SAMD3: variants seen among roughly 807,000 people sequenced by gnomAD.
SAMD3 encodes sterile alpha motif domain containing 3, also known as sterile alpha motif domain-containing protein 3.
Under a neutral mutation model 58.5 loss-of-function variants are expected in SAMD3, and 63 were observed. The observed-to-expected ratio is 1.08, with a 90% CI of 0.88 to 1.33. The LOEUF (loss-of-function observed/expected upper bound fraction) is 1.33, where lower values mean the gene tolerates loss of function less well. Among genes scored for constraint, SAMD3 ranks in the 40% most tolerant of loss-of-function variants. SAMD3 has a pLI of 0.00. For missense variants in SAMD3, 604 were observed against 608.4 expected, an observed-to-expected ratio of 0.99 and a Z score of 0.08; for synonymous variants, 220 against 210.3, an observed-to-expected ratio of 1.05 and a Z score of -0.40.
intron 2 of SAMD3, among the ~76,000 whole-genome samples, chr6:130,270,992 T>TG (rs1774539075): frequency 9.8e-6 from 1 of 102,456 alleles, no homozygotes; most frequent in African/African-American, 9.2e-5. Flanking sequence ...AATCTTGTTT[T>TG]TTTTGTTTTT....
intron 2 of SAMD3, among the ~76,000 whole-genome samples, chr6:130,238,922 C>T (rs1773258559): frequency 6.6e-6 from 1 of 152,020 alleles, no homozygotes; most frequent in African/African-American, 2.4e-5. Context: ...CCACACCTGG[C>T]TAATTTTTTT....
In SAMD3 at chr6:130,301,516, C is replaced by T. The variant is rs140780620; in HGVS notation, c.-188+11462G>A. Among the ~76,000 whole-genome samples, 1,085 of 152,208 alleles carry T rather than the reference C, an allele frequency of 7.1e-3. 11 individuals carry two copies. The highest frequency in any genetic ancestry group is 0.017 in the Middle Eastern group (5 of 294). ...AAATGACCATACTGCCCAAAGCAAT[C>T]CATAAATTCAATGCTATTCCTATCA... On this transcript the variant is annotated intron_variant, in intron 2 of 13. Coordinates refer to the SAMD3 transcript ENST00000368134.
intron 1 of SAMD3, among the ~76,000 whole-genome samples, chr6:130,314,430 GA>G (rs1363784185): frequency 2.6e-5 from 4 of 152,146 alleles, no homozygotes; most frequent in African/African-American, 9.7e-5. Context: ...TAAAAACATA[GA>G]GATTACAGGT....
chr6:130,158,332 G>T (rs1235756669), intron 8 of SAMD3, among the ~76,000 whole-genome samples: 2 of 152,170 alleles, frequency 1.3e-5, no homozygotes, highest in Non-Finnish European at 2.9e-5. Context: ...AAGTAAGGAA[G>T]TTGGTATTGA....
intron 9 of SAMD3, 126 bp downstream of exon 9, chr6:130,154,695 GAAAA>G (rs145408019): frequency 1.1e-3 from 115 of 108,686 alleles, no homozygotes; most frequent in Middle Eastern, 0.011. Flanking sequence ...GACTCTGTCT[GAAAA>G]AAAAAAAAAA....
In SAMD3 at chr6:130,144,554, T is replaced by C; in HGVS notation, c.1529A>G (p.Glu510Gly). ...TGGGTGCTGAAATCCTACTTCGTTTTCCTTTTCTTTCAAAGAAGGAAAATA... is the reference window on the plus strand; with the variant it reads ...TGGGTGCTGAAATCCTACTTCGTTTCCCTTTTCTTTCAAAGAAGGAAAATA... ...SPYFPSLKEK[E>G]NEVGFQHPLT The change falls in exon 12 of 12, where the codon GAA becomes GGA. Residue 510 changes from glutamate (E) to glycine (G), a missense_variant. By Grantham distance (98) the Glu-to-Gly change is moderately conservative (BLOSUM62 -2). Coordinates refer to ENST00000439090, the MANE Select transcript of SAMD3 (RefSeq NM_001017373.4). The C allele has an allele frequency of 6.2e-7, 1 of 1,614,052 alleles. No homozygotes were observed.
intron 9 of SAMD3, among the ~76,000 whole-genome samples, chr6:130,146,686 G>A (rs182595946): frequency 6.6e-6 from 1 of 152,208 alleles, no homozygotes; most frequent in East Asian, 1.9e-4. Flanking sequence ...AGTGAAAAAC[G>A]ATATATGGCT....
At chr6:130,186,972 A>G (rs991247953) in intron 5 of SAMD3, among the ~76,000 whole-genome samples, 30 of 151,622 alleles carry the variant, frequency 2.0e-4, no homozygotes, top group Non-Finnish European at 3.4e-4. Context: ...GTGTTTCACC[A>G]TGTTGGCCAG....
At chr6:130,318,170 A>C (rs1347781261) in intron 1 of SAMD3, among the ~76,000 whole-genome samples, 1 of 152,194 alleles carries the variant, frequency 6.6e-6, no homozygotes, top group Non-Finnish European at 1.5e-5. Context: ...CAGAATGGAA[A>C]GCCTCATAAT....
At chr6:130,203,144 T>TA (rs1794796851) in intron 5 of SAMD3, among the ~76,000 whole-genome samples, 1 of 152,226 alleles carries the variant, frequency 6.6e-6, no homozygotes, top group Non-Finnish European at 1.5e-5. Flanking sequence ...TTCCTAGAGC[T>TA]GCTTCCGCTT....
At chr6:130,146,756 C>G (rs1562362914) in intron 9 of SAMD3, among the ~76,000 whole-genome samples, 1 of 152,054 alleles carries the variant, frequency 6.6e-6, no homozygotes, top group Non-Finnish European at 1.5e-5. Context: ...AGGAGGATCA[C>G]TTGAGCCCAG....
At chr6:130,236,862 G>A (rs1582989469) in intron 2 of SAMD3, among the ~76,000 whole-genome samples, 1 of 151,956 alleles carries the variant, frequency 6.6e-6, no homozygotes, top group African/African-American at 2.4e-5. Context: ...TTGACAATAG[G>A]CTTTTTATTT....
intron 1 of SAMD3, among the ~76,000 whole-genome samples, chr6:130,322,452 G>T (rs1466407695): frequency 6.6e-6 from 1 of 152,162 alleles, no homozygotes; most frequent in African/African-American, 2.4e-5. Flanking sequence ...AGATAGGTCT[G>T]CATACATAGA....
At chr6:130,236,399 T>C (rs1046403933) in intron 2 of SAMD3, among the ~76,000 whole-genome samples, 3 of 151,610 alleles carry the variant, frequency 2.0e-5, no homozygotes, top group Non-Finnish European at 4.4e-5. Context: ...TTTTTTTTTT[T>C]CCGAGATGGA....
chr6:130,272,522 T>C (rs1478572), intron 2 of SAMD3, among the ~76,000 whole-genome samples: 47,218 of 151,966 alleles, frequency 0.31, 7,699 homozygotes, highest in East Asian at 0.47. Flanking sequence ...GAGGAAATAA[T>C]TAGAGAGCCA....
At chr6:130,340,141 T>A (rs1337849710) in intron 1 of SAMD3, among the ~76,000 whole-genome samples, 1 of 152,232 alleles carries the variant, frequency 6.6e-6, no homozygotes, top group African/African-American at 2.4e-5. Context: ...AGCTTTCTAT[T>A]GCTGCTATAA....
At chr6:130,280,398 C>T (rs967739980) in intron 2 of SAMD3, among the ~76,000 whole-genome samples, 5 of 152,064 alleles carry the variant, frequency 3.3e-5, no homozygotes, top group African/African-American at 1.2e-4. Context: ...TTTTCCTGTC[C>T]CCTCCGGCAG....
intron 7 of SAMD3, chr6:130,182,853 T>C (rs1480195804): frequency 6.6e-6 from 1 of 152,446 alleles, no homozygotes; most frequent in East Asian, 1.9e-4. Context: ...AAGACATCTA[T>C]CTTCTTTAGA....
At chr6:130,178,959 C>G (rs965554242) in intron 7 of SAMD3, among the ~76,000 whole-genome samples, 4 of 152,150 alleles carry the variant, frequency 2.6e-5, no homozygotes, top group African/African-American at 9.7e-5. Flanking sequence ...TGCTGTTTTA[C>G]CACAGAACAG....
Sources: gnomAD v4.1 joint callset for allele counts (sites outside exome capture counted in the v4.1 genomes callset) on GRCh38, gnomAD v4.1.1 for gene constraint, MANE v1.5 for transcripts, NCBI Gene and HGNC (gene_info 2026-07-23, HGNC 2026-07-21) for gene names.